COL26A1: variants seen among roughly 807,000 people sequenced by gnomAD.
COL26A1 encodes collagen type XXVI alpha 1 chain.
Under a neutral mutation model 59.3 loss-of-function variants are expected in COL26A1, and 41 were observed. The ratio of observed to expected loss-of-function variants is 0.69; its 90% CI spans 0.54 to 0.90. The LOEUF (loss-of-function observed/expected upper bound fraction) is 0.90, where lower values mean the gene tolerates loss of function less well. Ranked by LOEUF, COL26A1 falls within the 40% of genes least tolerant of loss-of-function variation. The pLI is 0.00. For missense variants in COL26A1, 612 were observed against 602.3 expected (o/e 1.02, Z -0.17); for synonymous variants, 266 against 256.0 (o/e 1.04, Z -0.37).
At chr7:101,494,271 C>A (rs975006183) in intron 3 of COL26A1, among the ~76,000 whole-genome samples, 1 of 152,082 alleles carries the variant, frequency 6.6e-6, no homozygotes, top group Non-Finnish European at 1.5e-5. Context: ...GGATTCCAGG[C>A]ACTTGCCACC....
chr7:101,454,511 G>A (rs1793423264), intron 3 of COL26A1, among the ~76,000 whole-genome samples: 2 of 151,898 alleles, frequency 1.3e-5, no homozygotes, highest in South Asian at 2.1e-4. Flanking sequence ...CACCCACCTC[G>A]GCCTCCCAAA....
intron 2 of COL26A1, among the ~76,000 whole-genome samples, chr7:101,421,970 G>C (rs1021074977): frequency 6.6e-6 from 1 of 152,118 alleles, no homozygotes; most frequent in Non-Finnish European, 1.5e-5. Context: ...ATTCTGCAAG[G>C]GGAATGGCTA....
intron 1 of COL26A1, among the ~76,000 whole-genome samples, chr7:101,383,898 G>A (rs1791505111): frequency 6.6e-6 from 1 of 152,120 alleles, no homozygotes; most frequent in Non-Finnish European, 1.5e-5. Context: ...TCAAACTCTT[G>A]ACCTCAGCTG....
intron 3 of COL26A1, among the ~76,000 whole-genome samples, chr7:101,519,858 T>C (rs1171288088): frequency 1.3e-5 from 2 of 152,132 alleles, no homozygotes; most frequent in Non-Finnish European, 2.9e-5. Flanking sequence ...AGCAGATGGA[T>C]CACATCACCG....
At chr7:101,544,225 G>C (rs1795680919) in intron 6 of COL26A1, 129 bp downstream of exon 6, 1 of 655,086 alleles carries the variant, frequency 1.5e-6, no homozygotes, top group African/African-American at 1.8e-5. Flanking sequence ...GAAAAACGGG[G>C]TCTTTTTTTT....
chr7:101,438,629 G>A (rs909070316), intron 2 of COL26A1, among the ~76,000 whole-genome samples: 4 of 151,448 alleles, frequency 2.6e-5, no homozygotes, highest in African/African-American at 7.3e-5. Flanking sequence ...GGCCGAGTAC[G>A]CAGGCATTCA....
rs771742325 is a variant in COL26A1 at position 101,363,002 on chromosome 7, G to A, written c.-31G>A. 1.0e-5 allele frequency: 16 copies of A among 1,554,878 alleles called. No individual in the cohort carries two copies. The South Asian group carries it at 1.8e-4, about 17-fold the overall frequency. On this transcript the variant is annotated 5_prime_UTR_variant, in exon 1 of 13. Transcript: ENST00000313669. ...CGCTCCTGCCGGTCCTCGTGCCCGGGACTCCGGGTCCCCGCGGGCTGCTGC... is the reference window on the plus strand; with the variant it reads ...CGCTCCTGCCGGTCCTCGTGCCCGGAACTCCGGGTCCCCGCGGGCTGCTGC...
chr7:101,517,019 C>G (rs568943370), intron 3 of COL26A1, among the ~76,000 whole-genome samples: 116 of 152,096 alleles, frequency 7.6e-4, no homozygotes, highest in Admixed American at 1.2e-3. Flanking sequence ...CTCGGATTAC[C>G]ATGGCAACTG....
At chr7:101,521,102 C>T (rs531810205) in intron 3 of COL26A1, among the ~76,000 whole-genome samples, 7 of 152,142 alleles carry the variant, frequency 4.6e-5, no homozygotes, top group Non-Finnish European at 8.8e-5. Context: ...GGAAGCAAGG[C>T]GTGTCTTCAC....
intron 3 of COL26A1, among the ~76,000 whole-genome samples, chr7:101,485,665 T>A (rs1343342200): frequency 1.3e-5 from 2 of 152,098 alleles, no homozygotes; most frequent in African/African-American, 4.8e-5. Context: ...CTGGACAGGG[T>A]CTGGCCCTGA....
chr7:101,459,510 G>A (rs1194485872), intron 3 of COL26A1, among the ~76,000 whole-genome samples: 5 of 137,524 alleles, frequency 3.6e-5, no homozygotes, highest in South Asian at 2.3e-4. Context: ...GGATTTCATC[G>A]TGTTAGCCAG....
intron 3 of COL26A1, among the ~76,000 whole-genome samples, chr7:101,451,504 G>C (rs1214579810): frequency 6.7e-6 from 1 of 148,932 alleles, no homozygotes; most frequent in Admixed American, 6.8e-5. Flanking sequence ...CAAAGGAAAT[G>C]CCAAGTAGAA....
At position 101,475,880 on chromosome 7, in the gene COL26A1, TTCTC is replaced by T. The variant is rs1278978796; in HGVS notation, c.385+28099_385+28102del. Among the ~76,000 whole-genome samples, 42 of 141,568 alleles carry T rather than the reference TTCTC, an allele frequency of 3.0e-4. 1 individual carries two copies. The highest frequency in any genetic ancestry group is 7.5e-4 in the African/African-American group (29 of 38,870). The allele number at this position is 141,568 out of a possible 152,430, so 92.9% of individuals were successfully genotyped here. On this transcript the variant is annotated intron_variant, in intron 3 of 12. Coordinates refer to ENST00000313669, the MANE Select transcript of COL26A1 (RefSeq NM_001278563.3). ...TCTTTTTCTCTCTCTTTCTTTCTCT[TTCTC>T]TCTCTTTCTTTCTCTCTCTTTCTCT...
At chr7:101,525,215 T>A (rs1162478603) in intron 3 of COL26A1, among the ~76,000 whole-genome samples, 12 of 142,028 alleles carry the variant, frequency 8.4e-5, no homozygotes, top group African/African-American at 3.2e-4. Flanking sequence ...AGAGTCTTGC[T>A]CTGTCACCCA....
intron 1 of COL26A1, among the ~76,000 whole-genome samples, chr7:101,382,391 G>A (rs75779974): frequency 0.061 from 9,314 of 152,008 alleles, 656 homozygotes; most frequent in African/African-American, 0.16. Context: ...TTAGTTTTTT[G>A]CCCAAACTGC....
chr7:101,413,011 ATCTC>A (rs1005705739), intron 1 of COL26A1, among the ~76,000 whole-genome samples: 6 of 152,176 alleles, frequency 3.9e-5, no homozygotes, highest in Non-Finnish European at 5.9e-5. Context: ...TGTCCTGAAG[ATCTC>A]TCTATCGCAT....
intron 4 of COL26A1, among the ~76,000 whole-genome samples, chr7:101,533,509 G>C (rs1795413687): frequency 6.6e-6 from 1 of 152,138 alleles, no homozygotes; most frequent in Non-Finnish European, 1.5e-5. Flanking sequence ...GGAACCGATG[G>C]GAAAAGACTC....
chr7:101,391,940 A>C (rs895864664), intron 1 of COL26A1, among the ~76,000 whole-genome samples: 5 of 151,368 alleles, frequency 3.3e-5, no homozygotes, highest in Non-Finnish European at 7.4e-5. Context: ...CTGATCTTGA[A>C]TTCCTGGTCT....
intron 4 of COL26A1, 24 bp downstream of exon 4, chr7:101,533,167 G>C: frequency 6.4e-7 from 1 of 1,572,294 alleles, no homozygotes; most frequent in South Asian, 1.2e-5. Context: ...GGGAGTCTGG[G>C]CCTGGGGAGC....
Sources: gnomAD v4.1 joint callset for allele counts (sites outside exome capture counted in the v4.1 genomes callset) on GRCh38, gnomAD v4.1.1 for gene constraint, MANE v1.5 for transcripts, NCBI Gene and HGNC (gene_info 2026-07-23, HGNC 2026-07-21) for gene names.